Variants in IFT46 observed in about 807,000 individuals in gnomAD.
The protein encoded by IFT46 is intraflagellar transport protein 46 homolog.
Under a neutral mutation model 39.6 loss-of-function variants are expected in IFT46, and 19 were observed. The observed-to-expected ratio is 0.48, with a 90% CI of 0.33 to 0.70. IFT46 has a LOEUF of 0.70. Among genes scored for constraint, IFT46 ranks in the 30% least tolerant of loss-of-function variants. The pLI, the probability that IFT46 is intolerant of heterozygous loss-of-function variation, is 0.01. For synonymous variants in IFT46, 117 were observed against 134.8 expected (o/e 0.87, Z 0.91); for missense variants, 334 against 364.8 (o/e 0.92, Z 0.69).
chr11:118,558,640 G>A (rs1937923132), intron 3 of IFT46, among the ~76,000 whole-genome samples: 1 of 151,810 alleles, frequency 6.6e-6, no homozygotes, highest in Non-Finnish European at 1.5e-5. Context: ...ATCAGGCTGG[G>A]TACAGTGGCT....
chr11:118,575,069 C>T (rs1555073230), upstream of IFT46, among the ~76,000 whole-genome samples: 1 of 152,154 alleles, frequency 6.6e-6, no homozygotes, highest in African/African-American at 2.4e-5. Flanking sequence ...ACTTCTGCCT[C>T]CCGGGTTCAA....
At chr11:118,552,933 A>C (rs929919218) in intron 7 of IFT46, among the ~76,000 whole-genome samples, 8 of 151,560 alleles carry the variant, frequency 5.3e-5, no homozygotes, top group African/African-American at 1.7e-4. Flanking sequence ...AAAAAAAAAA[A>C]ACCTAGCCAG....
upstream of IFT46, chr11:118,573,892 G>C: frequency 2.1e-6 from 1 of 472,588 alleles, no homozygotes; most frequent in South Asian, 3.9e-5. Context: ...TATTTGGTTA[G>C]TGATTTTGAA....
At chr11:118,553,585 A>G (rs1458799391) in intron 7 of IFT46, among the ~76,000 whole-genome samples, 3 of 152,344 alleles carry the variant, frequency 2.0e-5, no homozygotes, top group African/African-American at 7.2e-5. Context: ...GCCACTTTGG[A>G]AAACAGTTTG....
upstream of IFT46, among the ~76,000 whole-genome samples, chr11:118,568,747 A>G (rs560796479): frequency 6.7e-6 from 1 of 150,356 alleles, no homozygotes; most frequent in Non-Finnish European, 1.5e-5. Context: ...GCTCACTGCT[A>G]TCTCTGCCTC....
intron 4 of IFT46, among the ~76,000 whole-genome samples, chr11:118,556,464 G>A (rs537897328): frequency 6.6e-6 from 1 of 152,212 alleles, no homozygotes; most frequent in South Asian, 2.1e-4. Context: ...CTGCACTCCA[G>A]CCTGGGCGAT....
chr11:118,570,191 C>T (rs541712319), upstream of IFT46, among the ~76,000 whole-genome samples: 2 of 151,570 alleles, frequency 1.3e-5, no homozygotes, highest in East Asian at 3.9e-4. Flanking sequence ...ACAGCTGAGA[C>T]TACAGGCACG....
intron 11 of IFT46, 71 bp from the exon 12 acceptor site, chr11:118,545,082 T>C: frequency 8.5e-7 from 1 of 1,169,766 alleles, no homozygotes; most frequent in South Asian, 1.3e-5. Context: ...CAAGAATTAA[T>C]TTCTTTAAAA....
At chr11:118,551,715 A>C in intron 9 of IFT46, 71 bp downstream of exon 9, 319 of 1,047,758 alleles carry the variant, frequency 3.0e-4, no homozygotes, top group Non-Finnish European at 4.2e-4. Context: ...TAATGGAGGA[A>C]GAGAAAAAAC....
intron 7 of IFT46, 135 bp downstream of exon 7, chr11:118,554,323 TG>T: frequency 5.3e-6 from 4 of 756,958 alleles, no homozygotes; most frequent in Non-Finnish European, 7.8e-6. Context: ...CCCAAAGTGC[TG>T]GGATTACAGG....
chr11:118,558,975 A>T (rs112430997), intron 3 of IFT46, among the ~76,000 whole-genome samples: 19,586 of 146,852 alleles, frequency 0.13, 1,853 homozygotes, highest in East Asian at 0.49. Flanking sequence ...TAATCCCAGC[A>T]CCTTGGGAGG....
At chr11:118,568,053 CT>C (rs1555071813), upstream of IFT46, among the ~76,000 whole-genome samples, 1 of 152,124 alleles carries the variant, frequency 6.6e-6, no homozygotes, top group Non-Finnish European at 1.5e-5. Flanking sequence ...TACAGGGTTG[CT>C]TTTTCTTCTG....
chr11:118,573,810 G>A (rs11216907), upstream of IFT46: 81,292 of 490,626 alleles, frequency 0.17, 9,147 homozygotes, highest in East Asian at 0.46. Flanking sequence ...AAACAGGTTT[G>A]CCTCCTAAAA....
At chr11:118,554,140 T>C (rs1373596104) in intron 7 of IFT46, among the ~76,000 whole-genome samples, 1 of 149,942 alleles carries the variant, frequency 6.7e-6, no homozygotes, top group Admixed American at 6.7e-5. Context: ...AAGCTCCGCC[T>C]CCCGGGTTCA....
chr11:118,557,387 C>CAA, intron 3 of IFT46: 1 of 393,864 alleles, frequency 2.5e-6, no homozygotes, highest in African/African-American at 2.1e-5. Flanking sequence ...AAGAGGATGG[C>CAA]AACTCTAGTT....
intron 3 of IFT46, 133 bp downstream of exon 3, chr11:118,559,652 C>T (rs1307116301): frequency 2.6e-5 from 19 of 724,210 alleles, no homozygotes; most frequent in Non-Finnish European, 4.7e-5. Flanking sequence ...AACTGATTTT[C>T]CTCCATGAGC....
intron 10 of IFT46, 26 bp downstream of exon 10, chr11:118,545,767 G>A (rs2135464036): frequency 1.2e-6 from 2 of 1,608,696 alleles, no homozygotes; most frequent in Non-Finnish European, 1.7e-6. Flanking sequence ...CAGAGATGGG[G>A]ACGAGGAAAG....
chr11:118,553,438 T>G (rs1271385476), intron 7 of IFT46, among the ~76,000 whole-genome samples: 2 of 128,992 alleles, frequency 1.6e-5, no homozygotes, highest in East Asian at 4.5e-4. Flanking sequence ...TAAAACTGTC[T>G]CAAAAAAAAA....
intron 9 of IFT46, 65 bp from the exon 10 acceptor site, chr11:118,545,918 C>T: frequency 7.2e-7 from 1 of 1,383,628 alleles, no homozygotes; most frequent in Admixed American, 1.7e-5. Flanking sequence ...ACCACTCTCT[C>T]TCTCTGAAGC....
Sources: gnomAD v4.1 joint callset for allele counts (sites outside exome capture counted in the v4.1 genomes callset) on GRCh38, gnomAD v4.1.1 for gene constraint, MANE v1.5 for transcripts, NCBI Gene and HGNC (gene_info 2026-07-23, HGNC 2026-07-21) for gene names.